LIMS2: variants seen among roughly 807,000 people sequenced by gnomAD.
The protein encoded by LIMS2 is LIM and senescent cell antigen-like-containing domain protein 2.
LIMS2 carries 30 observed loss-of-function variants against 45.3 expected under a neutral mutation model. That is an observed-to-expected ratio of 0.66 (90% CI 0.50 to 0.90). The LOEUF is 0.90. LIMS2 is among the 40% of genes least tolerant of loss of function. The probability of loss-of-function intolerance (pLI) is 0.00; values close to 1 mark genes in which losing one functional copy is unlikely to be tolerated. For synonymous variants in LIMS2, 173 were observed against 188.0 expected (o/e 0.92, Z 0.65); for missense variants, 485 against 468.7 (o/e 1.03, Z -0.32).
chr2:127,658,683 G>C (rs558584707), intron 1 of LIMS2, among the ~76,000 whole-genome samples: 6 of 152,170 alleles, frequency 3.9e-5, no homozygotes, highest in African/African-American at 1.4e-4. Flanking sequence ...TCAAAGAACC[G>C]GATACCCCAC....
At position 127,675,412 on chromosome 2, in the gene LIMS2, A is replaced by C. The variant is rs113886216; in HGVS notation, c.-388T>G. ...CGGGGGTGGGAGTGGGGGTAAAAGT[A>C]GGGGTAAAGGTAGAGGGTGGGCCCC... On this transcript the variant is annotated 5_prime_UTR_variant, in exon 1 of 10. Transcript: ENST00000355119. 52,343 of 130,390 alleles carry C rather than the reference A, an allele frequency of 0.4. 11,694 individuals carry two copies. The highest frequency in any genetic ancestry group is 0.57 in the African/African-American group (18,699 of 32,638). 8.1% of individuals were successfully genotyped at this position (130,390 alleles called of 1,614,324 possible).
intron 4 of LIMS2, chr2:127,651,552 C>A (rs774720883): frequency 5.6e-6 from 9 of 1,612,530 alleles, no homozygotes; most frequent in Middle Eastern, 1.6e-4. Context: ...CGCCACCCAG[C>A]GCATCCTGGC....
intron 1 of LIMS2, among the ~76,000 whole-genome samples, chr2:127,657,839 G>T (rs577753485): frequency 3.3e-5 from 5 of 152,298 alleles, no homozygotes; most frequent in African/African-American, 1.2e-4. Flanking sequence ...CAGCACAGGT[G>T]AGCGGCTCTG....
At chr2:127,668,544 C>G (rs1303156746) in intron 1 of LIMS2, among the ~76,000 whole-genome samples, 2 of 151,396 alleles carry the variant, frequency 1.3e-5, no homozygotes, top group Admixed American at 6.6e-5. Flanking sequence ...TGGCACATAC[C>G]TGTAGTCCCA....
At position 127,639,209 on chromosome 2, in the gene LIMS2, C is replaced by T. The variant is rs936079237; in HGVS notation, c.*72G>A. The T allele has an allele frequency of 2.1e-5, 32 of 1,532,874 alleles. 1 individual carries two copies. The South Asian group carries it at 2.1e-4, about 10-fold the overall frequency. 95.0% of individuals were successfully genotyped at this position (1,532,874 alleles called of 1,614,324 possible). A position where few individuals can be genotyped will look rare whatever the true frequency, so the allele number is the denominator to read the frequency against. ...TGCGGAGGGCACAGGTGGATGGGGA[C>T]GAGGGGGCCAAGCATGGACAGCAGG... On this transcript the variant is annotated 3_prime_UTR_variant, in exon 10 of 10. Transcript: ENST00000355119.
At chr2:127,676,680 G>T (rs969401242), upstream of LIMS2, among the ~76,000 whole-genome samples, 1 of 152,148 alleles carries the variant, frequency 6.6e-6, no homozygotes, top group African/African-American at 2.4e-5. Context: ...ACTTCTTGTT[G>T]CGAGCGTGTC....
chr2:127,651,143 G>C lies in LIMS2; in HGVS notation c.359+3281C>G, dbSNP rs61749489. 1.2e-4 allele frequency: 188 copies of C among 1,613,218 alleles called. No individual in the cohort carries two copies. In the Middle Eastern group the frequency reaches 1.3e-3, roughly 11 times the overall value. On this transcript the variant is annotated intron_variant, in intron 4 of 9. Transcript: ENST00000355119. ...ACCGTTTCCTGGCCATTGTGCACCCGGTCAAGTCCCTCAAGCTCCGCAGGC... is the reference window on the plus strand; with the variant it reads ...ACCGTTTCCTGGCCATTGTGCACCCCGTCAAGTCCCTCAAGCTCCGCAGGC...
chr2:127,669,810 C>T (rs1685198426), intron 1 of LIMS2, among the ~76,000 whole-genome samples: 2 of 151,972 alleles, frequency 1.3e-5, no homozygotes, highest in East Asian at 1.9e-4. Context: ...AAAGACAACC[C>T]GATTTAAAAA....
chr2:127,666,585 C>G (rs1685012504), intron 1 of LIMS2, among the ~76,000 whole-genome samples: 2 of 152,192 alleles, frequency 1.3e-5, no homozygotes. Context: ...TAGAAGGACA[C>G]TACCAAAACG....
chr2:127,656,538 C>T (rs967862187), intron 2 of LIMS2, among the ~76,000 whole-genome samples: 1 of 151,922 alleles, frequency 6.6e-6, no homozygotes, highest in Non-Finnish European at 1.5e-5. Context: ...CTCAGCCTCC[C>T]GAGTAGCTGG....
intron 4 of LIMS2, chr2:127,652,517 T>C (rs1683913584): frequency 6.0e-6 from 1 of 166,822 alleles, no homozygotes; most frequent in Admixed American, 6.5e-5. Flanking sequence ...CAGACCCACT[T>C]CCTCCAGAGA....
At chr2:127,651,508 A>G (rs769933055) in intron 4 of LIMS2, 1 of 1,612,774 alleles carries the variant, frequency 6.2e-7, no homozygotes, top group East Asian at 2.2e-5. Flanking sequence ...CGCTCCGTCT[A>G]CGTGCTGCAC....
Position 127,638,857 on chromosome 2 carries a change from G to A in LIMS2, c.*424C>T, listed in dbSNP as rs1682099510. On this transcript the variant is annotated 3_prime_UTR_variant, in exon 10 of 10. Coordinates refer to ENST00000355119, the MANE Select transcript of LIMS2 (RefSeq NM_001161403.3). ...GGCTCCAGCAGGCTGCCCTGGCTGT[G>A]GGTAGCCCAGGAGCCACATGCGCTT... 5.7e-6 allele frequency: 1 copy of A among 175,020 alleles called. No individual in the cohort carries two copies. Among genetic ancestry groups the A allele is most frequent in the Non-Finnish European group, 1.2e-5 (1 of 82,140 alleles). The allele number at this position is 175,020 out of a possible 1,614,324, so 10.8% of individuals were successfully genotyped here. A position where few individuals can be genotyped will look rare whatever the true frequency, so the allele number is the denominator to read the frequency against.
chr2:127,680,735 T>C (rs1685595414), intron 1 of LIMS2, among the ~76,000 whole-genome samples: 1 of 152,200 alleles, frequency 6.6e-6, no homozygotes, highest in Admixed American at 6.5e-5. Context: ...TTCACAATTT[T>C]CCAAAGATGA....
intron 4 of LIMS2, chr2:127,651,047 C>T: frequency 1.2e-6 from 2 of 1,613,738 alleles, no homozygotes; most frequent in Non-Finnish European, 1.7e-6. Context: ...AAATCGCATG[C>T]CGTCTCACCG....
At position 127,653,297 on chromosome 2, in the gene LIMS2, C is replaced by T. The variant is rs1354301274; in HGVS notation, c.359+1127G>A. Among the ~76,000 whole-genome samples, 1 of 152,136 alleles carries T rather than the reference C, an allele frequency of 6.6e-6. No homozygotes were observed. The highest frequency in any genetic ancestry group is 1.5e-5 in the Non-Finnish European group (1 of 68,036). On this transcript the variant is annotated intron_variant, in intron 4 of 9. Transcript: ENST00000355119. The surrounding 1 kb of genome is among the most constrained non-coding windows in gnomAD (Gnocchi z 5.3). ...AAGCATGGCTGGGGCCTCTGGGGGT[C>T]GGCGCTGCCTCTCACTGATACAGGG...
intron 4 of LIMS2, chr2:127,650,130 C>T: frequency 1.3e-6 from 2 of 1,492,402 alleles, no homozygotes; most frequent in Non-Finnish European, 1.8e-6. Flanking sequence ...TGCTGCCATC[C>T]TGGGGGCACC....
chr2:127,639,227 A>T lies in LIMS2; in HGVS notation c.*54T>A. The T allele has an allele frequency of 1.9e-6, 3 of 1,592,888 alleles. No individual in the cohort carries two copies. On this transcript the variant is annotated 3_prime_UTR_variant, in exon 10 of 10. Transcript: ENST00000355119. ...ATGGGGACGAGGGGGCCAAGCATGG[A>T]CAGCAGGAGGGGAGAAGGCGGAGGG...
intron 1 of LIMS2, among the ~76,000 whole-genome samples, chr2:127,668,697 A>C (rs6743103): frequency 0.042 from 3,605 of 85,678 alleles, 82 homozygotes; most frequent in Middle Eastern, 0.06. Flanking sequence ...AAAAAAAAAA[A>C]AAAAAAAAAA....
Sources: gnomAD v4.1 joint callset for allele counts (sites outside exome capture counted in the v4.1 genomes callset) on GRCh38, gnomAD v4.1.1 for gene constraint, Gnocchi (gnomAD v3.1) non-coding constraint, MANE v1.5 for transcripts, NCBI Gene and HGNC (gene_info 2026-07-23, HGNC 2026-07-21) for gene names.